Variants in SKAP2 observed in about 807,000 individuals in gnomAD.
SKAP2 encodes src kinase associated phosphoprotein 2, also known as src kinase-associated phosphoprotein 2.
In SKAP2, 28 loss-of-function variants were observed where a neutral mutation model predicts 54.9. The ratio of observed to expected loss-of-function variants is 0.51; its 90% CI spans 0.38 to 0.70. SKAP2 has a LOEUF of 0.70. Ranked by LOEUF, SKAP2 falls within the 30% of genes least tolerant of loss-of-function variation. The probability of loss-of-function intolerance (pLI) is 0.00; values close to 1 mark genes in which losing one functional copy is unlikely to be tolerated. For synonymous variants in SKAP2, 137 were observed against 134.3 expected, an observed-to-expected ratio of 1.02 and a Z score of -0.14; for missense variants, 356 against 424.1, an observed-to-expected ratio of 0.84 and a Z score of 1.41.
intron 11 of SKAP2, among the ~76,000 whole-genome samples, chr7:26,676,338 T>C (rs1033841652): frequency 4.6e-5 from 7 of 152,194 alleles, no homozygotes; most frequent in Non-Finnish European, 8.8e-5. Context: ...GCCAAGATCC[T>C]TCCTTTATGA....
chr7:26,681,090 G>A (rs915444483), intron 11 of SKAP2, among the ~76,000 whole-genome samples: 10 of 152,180 alleles, frequency 6.6e-5, no homozygotes, highest in Non-Finnish European at 1.3e-4. Flanking sequence ...TTTCTGTAGT[G>A]ATTTTTAAAT....
intron 4 of SKAP2, among the ~76,000 whole-genome samples, chr7:26,789,196 T>C (rs1783623501): frequency 6.6e-6 from 1 of 152,202 alleles, no homozygotes; most frequent in Admixed American, 6.5e-5. Flanking sequence ...ATAAGAAAGC[T>C]TAATTTACGT....
chr7:26,799,469 C>A (rs1269059178), intron 4 of SKAP2, among the ~76,000 whole-genome samples: 1 of 152,076 alleles, frequency 6.6e-6, no homozygotes, highest in Non-Finnish European at 1.5e-5. Flanking sequence ...TAAAGAAGGT[C>A]ACTATATAAT....
chr7:26,796,683 T>C (rs536582944), intron 4 of SKAP2, among the ~76,000 whole-genome samples: 3 of 152,212 alleles, frequency 2.0e-5, no homozygotes, highest in Non-Finnish European at 2.9e-5. Context: ...GTACTGTAAA[T>C]GTATTTTCTC....
intron 1 of SKAP2, among the ~76,000 whole-genome samples, chr7:26,860,017 CTGT>C (rs775745428): frequency 6.6e-6 from 1 of 152,180 alleles, no homozygotes; most frequent in Non-Finnish European, 1.5e-5. Context: ...TTTTCCTACT[CTGT>C]TGTGTCTACC....
intron 4 of SKAP2, among the ~76,000 whole-genome samples, chr7:26,833,918 C>T (rs1166434367): frequency 6.6e-6 from 1 of 152,176 alleles, no homozygotes; most frequent in Non-Finnish European, 1.5e-5. Flanking sequence ...CCACATTGCA[C>T]TTATTCTAAA....
At chr7:26,727,412 C>G (rs1787731775) in intron 6 of SKAP2, among the ~76,000 whole-genome samples, 1 of 152,160 alleles carries the variant, frequency 6.6e-6, no homozygotes, top group African/African-American at 2.4e-5. Context: ...TTTCACCTAT[C>G]CCTCCCCAGC....
intron 9 of SKAP2, among the ~76,000 whole-genome samples, chr7:26,723,215 A>G (rs1787616461): frequency 6.6e-6 from 1 of 152,220 alleles, no homozygotes. Context: ...CAAAACCTCT[A>G]ACTCTGAGAC....
At chr7:26,677,691 T>C (rs1786381251) in intron 11 of SKAP2, among the ~76,000 whole-genome samples, 2 of 152,216 alleles carry the variant, frequency 1.3e-5, no homozygotes, top group African/African-American at 2.4e-5. Context: ...ACTGATACCC[T>C]ACATTGTGTT....
intron 4 of SKAP2, among the ~76,000 whole-genome samples, chr7:26,823,535 A>C (rs2127990890): frequency 6.6e-6 from 1 of 152,246 alleles, no homozygotes; most frequent in Non-Finnish European, 1.5e-5. Flanking sequence ...CACTCCCTTA[A>C]GCCAAAGCCT....
chr7:26,856,961 A>C (rs773447313), intron 1 of SKAP2, among the ~76,000 whole-genome samples: 14 of 151,096 alleles, frequency 9.3e-5, no homozygotes, highest in Non-Finnish European at 1.9e-4. Flanking sequence ...TTTCAGTTTT[A>C]TAAAAATTCA....
the SKAP2 span, among the ~76,000 whole-genome samples, chr7:26,660,793 T>C: frequency 6.6e-6 from 1 of 152,050 alleles, no homozygotes; most frequent in Non-Finnish European, 1.5e-5. Context: ...ATGTGTCTAT[T>C]TTTTAAGCTG....
chr7:26,754,918 A>T (rs1782757779), intron 4 of SKAP2, among the ~76,000 whole-genome samples: 1 of 152,218 alleles, frequency 6.6e-6, no homozygotes, highest in Admixed American at 6.5e-5. Context: ...AAGACTTAAA[A>T]TCCAAAAGAT....
the SKAP2 span, among the ~76,000 whole-genome samples, chr7:26,660,872 C>A: frequency 6.6e-6 from 1 of 151,750 alleles, no homozygotes; most frequent in Admixed American, 6.6e-5. Flanking sequence ...AAGAGAAGTG[C>A]TAAGAATTAA....
At chr7:26,774,130 T>A (rs1170142133) in intron 4 of SKAP2, among the ~76,000 whole-genome samples, 2 of 152,032 alleles carry the variant, frequency 1.3e-5, no homozygotes, top group East Asian at 1.9e-4. Context: ...CTGGCCAACA[T>A]GGTGAAACCC....
the SKAP2 span, among the ~76,000 whole-genome samples, chr7:26,658,139 G>C: frequency 2.6e-5 from 4 of 152,130 alleles, no homozygotes; most frequent in Non-Finnish European, 5.9e-5. Flanking sequence ...CCTCACTTAG[G>C]AAAGACGCAA....
At chr7:26,826,902 A>T (rs1256193973) in intron 4 of SKAP2, among the ~76,000 whole-genome samples, 1 of 152,070 alleles carries the variant, frequency 6.6e-6, no homozygotes, top group African/African-American at 2.4e-5. Flanking sequence ...CTTTCTTACT[A>T]CTTTTATTTT....
chr7:26,811,150 C>T (rs985097386), intron 4 of SKAP2, among the ~76,000 whole-genome samples: 6 of 152,078 alleles, frequency 3.9e-5, no homozygotes, highest in African/African-American at 1.4e-4. Context: ...AGCAGGTATT[C>T]GTGTTCCACC....
intron 4 of SKAP2, among the ~76,000 whole-genome samples, chr7:26,801,089 T>C (rs10245367): frequency 0.3 from 45,396 of 152,082 alleles, 7,070 homozygotes; most frequent in Middle Eastern, 0.37. Flanking sequence ...TGATGAATAA[T>C]TGATGCAAAA....
Sources: allele counts gnomAD v4.1 joint callset (sites outside exome capture counted in the v4.1 genomes callset), GRCh38; gene constraint gnomAD v4.1.1; transcripts MANE v1.5; gene names NCBI Gene and HGNC (gene_info 2026-07-23, HGNC 2026-07-21).